Variants in SON observed in about 807,000 individuals in gnomAD.
SON encodes the protein SON DNA and RNA binding protein, also known as protein SON.
In SON, 4 loss-of-function variants were observed where a neutral mutation model predicts 173.3. The observed-to-expected ratio is 0.02, with a 90% confidence interval of 0.01 to 0.05. SON has a LOEUF of 0.05. SON is among the 10% of genes least tolerant of loss of function. The probability of loss-of-function intolerance (pLI) is 1.00; values close to 1 mark genes in which losing one functional copy is unlikely to be tolerated. For missense variants in SON, 2,626 were observed against 3,055.3 expected (o/e 0.86, Z 3.31); for synonymous variants, 1,190 against 1,105.9 (o/e 1.08, Z -1.51).
chr21:33,547,968 A>G lies in SON; in HGVS notation c.245-1508A>G, dbSNP rs1186097304. 2.0e-5 allele frequency among the ~76,000 whole-genome samples: 3 copies of G among 151,814 alleles called. No individual in the cohort carries two copies. The East Asian group carries it at 5.8e-4, about 29-fold the overall frequency. On this transcript the variant is annotated intron_variant, in intron 2 of 11. Coordinates refer to ENST00000356577, the MANE Select transcript of SON (RefSeq NM_138927.4). The stretch of plus-strand genomic sequence containing the variant: ...TTGATCTCCTGGCCTCGTGATCCAC[A>G]CGTCTTGGCCTCCCAAAGTGCTGGG...
chr21:33,543,209 T>TGGGAGC, intron 1 of SON, 40 bp downstream of exon 1: 4 of 1,543,756 alleles, frequency 2.6e-6, no homozygotes, highest in Non-Finnish European at 3.6e-6. Flanking sequence ...AACGGACCGT[T>TGGGAGC]AGGCCCTCAC....
At chr21:33,547,654 G>C (rs950805260) in intron 2 of SON, among the ~76,000 whole-genome samples, 1 of 148,266 alleles carries the variant, frequency 6.7e-6, no homozygotes, top group African/African-American at 2.5e-5. Flanking sequence ...ATAGAAAATG[G>C]TAAGTTTTGC....
Position 33,576,968 on chromosome 21 carries a change from T to C in SON, c.*544T>C. The C allele has an allele frequency of 5.1e-6, 1 of 194,834 alleles. No individual in the cohort carries two copies. The highest frequency in any genetic ancestry group is 1.1e-4 in the East Asian group (1 of 9,016). 12.1% of individuals were successfully genotyped at this position (194,834 alleles called of 1,614,324 possible). ...CTGTGCACCTTGTACTATTTCACAATGGGTTCTGCTGGACAGATAATGGGC... is the reference window on the plus strand; with the variant it reads ...CTGTGCACCTTGTACTATTTCACAACGGGTTCTGCTGGACAGATAATGGGC... On this transcript the variant is annotated 3_prime_UTR_variant, in exon 12 of 12. Coordinates refer to ENST00000356577, the MANE Select transcript of SON (RefSeq NM_138927.4).
rs568339583 is a variant in SON, at chr21:33,549,636, A to C, written c.405A>C (p.Glu135Asp). ...AAAAATATAAAAGACAGCCAGAAGA[A>C]TCTGAGTCAAAGACGAAATCTCATG... ...KEKKYKRQPE[E>D]SESKTKSHDD... The change falls in exon 3 of 12, where the codon GAA (glutamate) becomes GAC (aspartate). Residue 135 changes from glutamate to aspartate, a missense_variant. Coordinates refer to ENST00000356577, the MANE Select transcript of SON (RefSeq NM_138927.4). 2 of 1,608,516 alleles carry C rather than the reference A, an allele frequency of 1.2e-6. No individual in the cohort carries two copies. Among genetic ancestry groups the C allele is most frequent in the Admixed American group, 3.4e-5 (2 of 59,100 alleles).
chr21:33,543,379 G>A (rs9631188), intron 1 of SON: 8,773 of 599,884 alleles, frequency 0.015, 111 homozygotes, highest in Middle Eastern at 0.033. Context: ...CTTTTCCGAG[G>A]TAACCCAAGA....
At position 33,552,956 on chromosome 21, in the gene SON, C is replaced by T. The variant is rs781368363; in HGVS notation, c.3725C>T (p.Ser1242Leu). 1 of 1,614,194 alleles carries T rather than the reference C, an allele frequency of 6.2e-7. No homozygotes were observed. The highest frequency in any genetic ancestry group is 8.5e-7 in the Non-Finnish European group (1 of 1,180,026). Reference protein sequence around the residue: ...VSASDPSVLVSEAAVTVPEPP... With the variant: ...VSASDPSVLVLEAAVTVPEPP... ...GCATCAGATCCCTCAGTTTTAGTAT[C>T]AGAGGCTGCTGTGACTGTTCCAGAA... The change falls in exon 3 of 12, where the codon TCA (serine) becomes TTA (leucine). Residue 1242 changes from serine (S) to leucine (L), a missense_variant. Physicochemically the swap from Ser to Leu is moderately radical, Grantham distance 145 (BLOSUM62 -2). Coordinates refer to ENST00000356577, the MANE Select transcript of SON (RefSeq NM_138927.4). The surrounding 1 kb of genome is among the most constrained non-coding windows in gnomAD (Gnocchi z 5.6).
Position 33,559,761 on chromosome 21 carries a change from A to C in SON, c.6643A>C (p.Asn2215His). 1 of 1,613,796 alleles carries C rather than the reference A, an allele frequency of 6.2e-7. No homozygotes were observed. ...NKDDDNVFSS[N>H]LPSEPVDIST... ...AGATGATGATAATGTTTTCAGCAGC[A>C]ATTTGCCCTCAGAGGTAAGTAGGAG... is the stretch of plus-strand genomic sequence containing the variant. Residue 2215 changes from asparagine to histidine, a missense_variant, in exon 6 of 12, where the codon AAT becomes CAT. Asn to His is a moderately conservative substitution (Grantham distance 68, BLOSUM62 1). Transcript: ENST00000356577. This position sits in a 1 kb window ranked among gnomAD's most constrained non-coding sequence, Gnocchi z 4.1.
chr21:33,572,860 C>T (rs2086316964), intron 8 of SON, among the ~76,000 whole-genome samples: 2 of 150,326 alleles, frequency 1.3e-5, no homozygotes, highest in South Asian at 4.2e-4. Context: ...TGGATGACAA[C>T]AGTATGCTTC....
rs1569056719 is a variant in SON at position 33,553,392 on chromosome 21, G to GGCTGTGACTGTCCCGGAGCCTCCT, written c.4162_4163insCTGTGACTGTCCCGGAGCCTCCTG (p.Ser1387_Val1388insAlaValThrValProGluProPro). The GGCTGTGACTGTCCCGGAGCCTCCT allele has an allele frequency of 2.7e-5, 44 of 1,613,638 alleles. No individual in the cohort carries two copies. The highest frequency in any genetic ancestry group is 3.7e-5 in the Non-Finnish European group (44 of 1,179,678). ...CGACTGTAACTGTCCTGGAGCCTTC[G>GGCTGTGACTGTCCCGGAGCCTCCT]GTTGTGACTGTCCCGGAGCCTCCTG... On this transcript the variant is annotated inframe_insertion, in exon 3 of 12. Coordinates refer to ENST00000356577, the MANE Select transcript of SON (RefSeq NM_138927.4).
chr21:33,557,637 C>A, intron 4 of SON: 1 of 1,542,896 alleles, frequency 6.5e-7, no homozygotes, highest in South Asian at 1.2e-5. Flanking sequence ...CCTACAGTTT[C>A]GTTTCCATTC....
chr21:33,546,336 A>T lies in SON; in HGVS notation c.201A>T (p.Glu67Asp). 1 of 1,613,238 alleles carries T rather than the reference A, an allele frequency of 6.2e-7. No individual in the cohort carries two copies. The highest frequency in any genetic ancestry group is 8.5e-7 in the Non-Finnish European group (1 of 1,179,634). ...PNEEIVQKIE[E>D]VLSGVLDTEL... ...AAGAAATAGTGCAGAAGATAGAGGA[A>T]GTACTTTCTGGGGTCTTAGATACAG... The change falls in exon 2 of 12, where the codon GAA (glutamate) becomes GAT (aspartate). Residue 67 changes from glutamate (E) to aspartate (D), a missense_variant. Around this residue, in one of 13 missense-constraint regions of SON, gnomAD observed 757 missense variants for 730.1 expected, o/e 1.04. Transcript: ENST00000356577.
At chr21:33,576,023 G>A (rs1343521413) in intron 11 of SON, 130 bp downstream of exon 11, 7 of 563,808 alleles carry the variant, frequency 1.2e-5, no homozygotes, top group African/African-American at 1.9e-5. Flanking sequence ...GTTAAGTGGT[G>A]GGGTTTTTAA....
At position 33,555,118 on chromosome 21, in the gene SON, C is replaced by T. The variant is rs886954107; in HGVS notation, c.5887C>T (p.Arg1963Cys). Reference sequence around the variant, plus strand: ...CCGCCGCAGCCGCACCCCCAGCCGCCGCAGCCGCACCCCCAGCCGCCGCAG... The same window carrying T: ...CCGCCGCAGCCGCACCCCCAGCCGCTGCAGCCGCACCCCCAGCCGCCGCAG... Reference protein sequence around the residue: ...PSRRSRTPSRRSRTPSRRSRT... With the variant: ...PSRRSRTPSRCSRTPSRRSRT... The change falls in exon 3 of 12, where the codon CGC becomes TGC. Residue 1963 changes from arginine (R) to cysteine (C), a missense_variant. Physicochemically the swap from Arg to Cys is radical, Grantham distance 180 (BLOSUM62 -3). Around this residue, in one of 13 missense-constraint regions of SON, gnomAD observed 138 missense variants for 222.9 expected, o/e 0.62. Coordinates refer to ENST00000356577, the MANE Select transcript of SON (RefSeq NM_138927.4). 1.5e-5 allele frequency: 23 copies of T among 1,511,364 alleles called. No individual in the cohort carries two copies. Among genetic ancestry groups the T allele is most frequent in the African/African-American group, 8.6e-5 (6 of 69,818 alleles). The allele number at this position is 1,511,364 out of a possible 1,614,324, so 93.6% of individuals were successfully genotyped here.
In SON at chr21:33,555,520, A is replaced by G. The variant is rs2085949992; in HGVS notation, c.6160+129A>G. ...TAAATGTTTCTGTCTTTAAGTTTTT[A>G]TTATTACATGGTACTGTATTTAGGA... is the stretch of plus-strand genomic sequence containing the variant. On this transcript the variant is annotated intron_variant, in intron 3 of 11. Transcript: ENST00000356577. The G allele has an allele frequency of 1.4e-5, 12 of 839,380 alleles. 1 individual carries two copies. Among genetic ancestry groups the G allele is most frequent in the South Asian group, 1.3e-4 (5 of 37,476 alleles). 52.0% of individuals were successfully genotyped at this position (839,380 alleles called of 1,614,324 possible).
At chr21:33,568,013 T>C (rs959278501) in intron 7 of SON, among the ~76,000 whole-genome samples, 29 of 152,194 alleles carry the variant, frequency 1.9e-4, no homozygotes, top group African/African-American at 6.8e-4. Context: ...GTCTGTGCTT[T>C]TAACAATGGA....
Position 33,559,792 on chromosome 21 carries a change from T to G in SON, c.6657+17T>G. On this transcript the variant is annotated intron_variant, in intron 6 of 11. Coordinates refer to ENST00000356577, the MANE Select transcript of SON (RefSeq NM_138927.4). The surrounding 1 kb of genome is among the most constrained non-coding windows in gnomAD (Gnocchi z 4.1). ...CCCTCAGAGGTAAGTAGGAGGAATA[T>G]TATGTATTTTTCCTTTTTTATACCT... 6.2e-7 allele frequency: 1 copy of G among 1,609,484 alleles called. No individual in the cohort carries two copies.
Position 33,557,220 on chromosome 21 carries a change from C to A in SON, c.6225C>A (p.Val2075=), listed in dbSNP as rs775171050. The A allele has an allele frequency of 6.2e-7, 1 of 1,613,090 alleles. No homozygotes were observed. Among genetic ancestry groups the A allele is most frequent in the Non-Finnish European group, 8.5e-7 (1 of 1,179,770 alleles). Residue 2075 remains valine (V), a synonymous_variant, in exon 4 of 12, where the codon GTC becomes GTA. Transcript: ENST00000356577. The part of the protein sequence containing the change: ...NAAAMCAKAG[V]PLPPNLKPAP... ...CTGCCATGTGTGCTAAGGCTGGTGT[C>A]CCTTTACCACCAAACCTAAAGCCTG...
rs762595264 is a variant in SON at position 33,553,489 on chromosome 21, C to G, written c.4258C>G (p.Leu1420Val). Residue 1420 changes from leucine to valine, a missense_variant, in exon 3 of 12, where the codon CTG becomes GTG. Around this residue, in one of 13 missense-constraint regions of SON, gnomAD observed 1,006 missense variants for 895.6 expected, o/e 1.12. Coordinates refer to ENST00000356577, the MANE Select transcript of SON (RefSeq NM_138927.4). ...TGCGCTGGAGCCTTCTGTGCCTGTTCTGGAACCAGCGGTGTCAGTCCTTCA... is the reference window on the plus strand; with the variant it reads ...TGCGCTGGAGCCTTCTGTGCCTGTTGTGGAACCAGCGGTGTCAGTCCTTCA... ...VSALEPSVPV[L>V]EPAVSVLQPS... The G allele has an allele frequency of 1.1e-5, 17 of 1,614,088 alleles. No homozygotes were observed. The highest frequency in any genetic ancestry group is 1.0e-5 in the Non-Finnish European group (12 of 1,180,052).
chr21:33,567,447 A>T (rs1453752824), intron 7 of SON, 180 bp downstream of exon 7: 1 of 588,988 alleles, frequency 1.7e-6, no homozygotes, highest in Admixed American at 3.0e-5. Flanking sequence ...CATTTATTCA[A>T]TAAATGTTTA....
Sources: gnomAD v4.1 joint callset for allele counts (sites outside exome capture counted in the v4.1 genomes callset) on GRCh38, gnomAD v4.1.1 for gene constraint, gnomAD v4.1.1 regional missense constraint, Gnocchi (gnomAD v3.1) non-coding constraint, MANE v1.5 for transcripts, NCBI Gene and HGNC (gene_info 2026-07-23, HGNC 2026-07-21) for gene names.